GRM4: variants seen among roughly 807,000 people sequenced by gnomAD.
GRM4 encodes the protein metabotropic glutamate receptor 4.
GRM4 carries 28 observed loss-of-function variants against 81.7 expected under a neutral mutation model. The observed-to-expected ratio is 0.34, with a 90% CI of 0.25 to 0.47. The LOEUF (loss-of-function observed/expected upper bound fraction) is 0.47, where lower values mean the gene tolerates loss of function less well. Ranked by LOEUF, GRM4 falls within the 20% of genes least tolerant of loss-of-function variation. GRM4 has a pLI of 1.00. For missense variants in GRM4, 948 were observed against 1,290.0 expected (o/e 0.73, Z 4.06); for synonymous variants, 488 against 528.8 (o/e 0.92, Z 1.06).
Position 34,133,295 on chromosome 6 carries a change from C to T in GRM4, c.202G>A (p.Gly68Arg). 1 of 1,614,162 alleles carries T rather than the reference C, an allele frequency of 6.2e-7. No individual in the cohort carries two copies. The highest frequency in any genetic ancestry group is 8.5e-7 in the Non-Finnish European group (1 of 1,180,024). The change falls in exon 2 of 11, where the codon GGA becomes AGA. Residue 68 changes from glycine to arginine, a missense_variant. Gly to Arg is a moderately radical substitution (Grantham distance 125). Coordinates refer to ENST00000538487, the MANE Select transcript of GRM4 (RefSeq NM_000841.4). The surrounding 1 kb of genome is among the most constrained non-coding windows in gnomAD (Gnocchi z 6.5). ...ATGCCCTTTTCCTTCTTAAGTTCTC[C>T]ACAGGGCTTGCCCTCTGAGCCCCGG... ...HGRGSEGKPC[G>R]ELKKEKGIHR...
intron 2 of GRM4, among the ~76,000 whole-genome samples, chr6:34,097,695 G>T (rs1171469557): frequency 6.6e-6 from 1 of 152,214 alleles, no homozygotes; most frequent in African/African-American, 2.4e-5. Flanking sequence ...AGGTGGAACG[G>T]GGATGCTGGA....
intron 2 of GRM4, among the ~76,000 whole-genome samples, chr6:34,129,129 C>T (rs1351486343): frequency 6.6e-6 from 1 of 152,142 alleles, no homozygotes; most frequent in Non-Finnish European, 1.5e-5. Context: ...ATTCTCCTGC[C>T]TCAGCCTGCC....
intron 1 of GRM4, among the ~76,000 whole-genome samples, chr6:34,144,140 G>A (rs762595586): frequency 2.6e-5 from 4 of 152,220 alleles, no homozygotes; most frequent in Non-Finnish European, 5.9e-5. Context: ...CAAGGCCTAG[G>A]GGCAGGGGGC....
At chr6:34,073,418 CCACACA>C (rs540796389) in intron 3 of GRM4, among the ~76,000 whole-genome samples, 8 of 146,504 alleles carry the variant, frequency 5.5e-5, no homozygotes, top group Admixed American at 2.0e-4. Context: ...CACATACACA[CCACACA>C]CACACACACA....
intron 8 of GRM4, among the ~76,000 whole-genome samples, chr6:34,038,412 G>A (rs1468270636): frequency 2.0e-5 from 3 of 152,212 alleles, no homozygotes; most frequent in Non-Finnish European, 4.4e-5. Flanking sequence ...TAACTTCCCT[G>A]CTGTGTCTCC....
Position 34,068,491 on chromosome 6 carries a change from C to G in GRM4, c.737-6463G>C, listed in dbSNP as rs1766603670. On this transcript the variant is annotated intron_variant, in intron 3 of 10. Transcript: ENST00000538487. The surrounding 1 kb of genome is among the most constrained non-coding windows in gnomAD (Gnocchi z 4.2). ...CCCCCACTGTGCCTGGGATGCTCTCCTTGCAGCACTTCCCCATCCTCCCTG... is the reference window on the plus strand; with the variant it reads ...CCCCCACTGTGCCTGGGATGCTCTCGTTGCAGCACTTCCCCATCCTCCCTG... 6.6e-6 allele frequency among the ~76,000 whole-genome samples: 1 copy of G among 152,054 alleles called. No individual in the cohort carries two copies. Among genetic ancestry groups the G allele is most frequent in the Non-Finnish European group, 1.5e-5 (1 of 67,986 alleles).
At chr6:34,117,978 A>G (rs1350597574) in intron 2 of GRM4, among the ~76,000 whole-genome samples, 3 of 152,196 alleles carry the variant, frequency 2.0e-5, no homozygotes, top group African/African-American at 7.2e-5. Flanking sequence ...CCAGGCTTCA[A>G]AGACTAATCA....
chr6:34,063,789 G>T (rs1185152390), intron 3 of GRM4, among the ~76,000 whole-genome samples: 1 of 152,158 alleles, frequency 6.6e-6, no homozygotes, highest in African/African-American at 2.4e-5. Context: ...CCTCCATATG[G>T]TTTCTTTCCA....
chr6:34,071,475 CA>C, intron 3 of GRM4, among the ~76,000 whole-genome samples: 1 of 86,792 alleles, frequency 1.2e-5, no homozygotes, highest in African/African-American at 4.6e-5. Context: ...ATACACACCA[CA>C]AACACACACA....
chr6:34,056,436 G>A (rs536878913), intron 6 of GRM4, 108 bp downstream of exon 6: 9 of 998,630 alleles, frequency 9.0e-6, no homozygotes, highest in East Asian at 2.9e-5. Context: ...GTCCTGCCAC[G>A]GCCGGCCGAC....
Position 34,133,524 on chromosome 6 carries a change from G to T in GRM4, c.-28C>A. ...CGGAAATCCCTAGAGACCCATGAAC[G>T]GCAGGCCCACTCCTAGCCCTGGCAG... On this transcript the variant is annotated 5_prime_UTR_variant, in exon 2 of 11. Coordinates refer to ENST00000538487, the MANE Select transcript of GRM4 (RefSeq NM_000841.4). This position sits in a 1 kb window ranked among gnomAD's most constrained non-coding sequence, Gnocchi z 6.5. 1.3e-6 allele frequency: 2 copies of T among 1,525,366 alleles called. No individual in the cohort carries two copies. Among genetic ancestry groups the T allele is most frequent in the Non-Finnish European group, 1.8e-6 (2 of 1,139,514 alleles). 94.5% of individuals were successfully genotyped at this position (1,525,366 alleles called of 1,614,324 possible). A position where few individuals can be genotyped will look rare whatever the true frequency, so the allele number is the denominator to read the frequency against.
At chr6:34,137,924 G>A (rs1338016596) in intron 1 of GRM4, among the ~76,000 whole-genome samples, 1 of 151,886 alleles carries the variant, frequency 6.6e-6, no homozygotes, top group Non-Finnish European at 1.5e-5. Context: ...TAACAAGCAG[G>A]ACCTTCGTGC....
At position 34,034,903 on chromosome 6, in the gene GRM4, G is replaced by A. The variant is rs1301787104; in HGVS notation, c.2442+765C>T. On this transcript the variant is annotated intron_variant, in intron 9 of 10. Transcript: ENST00000538487. The surrounding 1 kb of genome is among the most constrained non-coding windows in gnomAD (Gnocchi z 4.0). ...ACCCAGCCAGCACCAGGACTGGGAT[G>A]TGGGCCGAGCATACAGGTCTCTTGG... Among the ~76,000 whole-genome samples the A allele has an allele frequency of 1.3e-5, 2 of 152,130 alleles. No homozygotes were observed. The highest frequency in any genetic ancestry group is 2.9e-5 in the Non-Finnish European group (2 of 68,046).
intron 6 of GRM4, among the ~76,000 whole-genome samples, chr6:34,044,667 C>T (rs1480491317): frequency 7.6e-5 from 10 of 131,122 alleles, no homozygotes; most frequent in Admixed American, 4.3e-4. Context: ...CACATATATA[C>T]ACAGACACAC....
In GRM4 at chr6:34,119,328, G is replaced by A. The variant is rs565033276; in HGVS notation, c.519+13650C>T. Among the ~76,000 whole-genome samples the A allele has an allele frequency of 5.3e-5, 8 of 152,320 alleles. No individual in the cohort carries two copies. The South Asian group carries it at 1.0e-3, about 20-fold the overall frequency. On this transcript the variant is annotated intron_variant, in intron 2 of 10. Coordinates refer to ENST00000538487, the MANE Select transcript of GRM4 (RefSeq NM_000841.4). ...GGAGGATTGCTTGAAACCAGGAGGC[G>A]AAGGTTGCAGTGAGCTGAGATCGCA...
At chr6:34,140,382 G>A (rs560167564) in intron 1 of GRM4, among the ~76,000 whole-genome samples, 6 of 152,216 alleles carry the variant, frequency 3.9e-5, no homozygotes, top group East Asian at 1.9e-4. Flanking sequence ...GGACCTTATC[G>A]ACCACGGTGT....
chr6:34,065,130 C>T (rs1337337073), intron 3 of GRM4, among the ~76,000 whole-genome samples: 2 of 152,158 alleles, frequency 1.3e-5, no homozygotes, highest in Admixed American at 6.5e-5. Flanking sequence ...CATGTGTGCA[C>T]ACATGTGTCC....
intron 3 of GRM4, among the ~76,000 whole-genome samples, chr6:34,073,863 G>T (rs548216229): frequency 2.0e-5 from 3 of 152,278 alleles, no homozygotes; most frequent in African/African-American, 4.8e-5. Context: ...CTGCTTGGGG[G>T]CCCAGCCACA....
chr6:34,134,794 G>GATC (rs554773422), intron 1 of GRM4, among the ~76,000 whole-genome samples: 1 of 151,932 alleles, frequency 6.6e-6, no homozygotes, highest in African/African-American at 2.4e-5. Context: ...ACATTATTAA[G>GATC]ATCATCATCA....
Sources: gnomAD v4.1 joint callset for allele counts (sites outside exome capture counted in the v4.1 genomes callset) on GRCh38, gnomAD v4.1.1 for gene constraint, Gnocchi (gnomAD v3.1) non-coding constraint, MANE v1.5 for transcripts, NCBI Gene and HGNC (gene_info 2026-07-23, HGNC 2026-07-21) for gene names.